The following KLF7 variants were observed in gnomAD, a reference collection of about 807,000 sequenced individuals.
KLF7 encodes KLF transcription factor 7.
In KLF7, 2 loss-of-function variants were observed where a neutral mutation model predicts 27.3. That is an observed-to-expected ratio of 0.07 (90% CI 0.03 to 0.23). KLF7 has a LOEUF of 0.23. Among genes scored for constraint, KLF7 ranks in the 10% least tolerant of loss-of-function variants. The probability of loss-of-function intolerance (pLI) is 1.00; values close to 1 mark genes in which losing one functional copy is unlikely to be tolerated. For synonymous variants in KLF7, 165 were observed against 162.4 expected, an observed-to-expected ratio of 1.02 and a Z score of -0.12; for missense variants, 221 against 394.1, an observed-to-expected ratio of 0.56 and a Z score of 3.72.
chr2:207,165,589 C>A lies in KLF7; in HGVS notation c.-21G>T. On this transcript the variant is annotated 5_prime_UTR_variant, in exon 1 of 4. Coordinates refer to ENST00000309446, the MANE Select transcript of KLF7 (RefSeq NM_003709.4). ...TCCATGCTGCTGCTGCCGGGCAAAACGGGAGGCGAAACCCTCCCCCGAACA... is the reference window on the plus strand; with the variant it reads ...TCCATGCTGCTGCTGCCGGGCAAAAAGGGAGGCGAAACCCTCCCCCGAACA... 1 of 1,612,670 alleles carries A rather than the reference C, an allele frequency of 6.2e-7. No individual in the cohort carries two copies. Among genetic ancestry groups the A allele is most frequent in the Non-Finnish European group, 8.5e-7 (1 of 1,179,964 alleles).
upstream of KLF7, among the ~76,000 whole-genome samples, chr2:207,168,806 T>G (rs373448632): frequency 2.0e-5 from 3 of 152,342 alleles, no homozygotes; most frequent in African/African-American, 7.2e-5. Context: ...TTAGCTACTT[T>G]TTATACCCTA....
chr2:207,137,637 T>C (rs1201375493), intron 1 of KLF7, among the ~76,000 whole-genome samples: 2 of 152,148 alleles, frequency 1.3e-5, no homozygotes, highest in East Asian at 3.9e-4. Context: ...GATGGAAATA[T>C]GGAATATAAG....
In KLF7 at chr2:207,123,281, A is replaced by T. The variant is rs79561711; in HGVS notation, c.733+493T>A. Among the ~76,000 whole-genome samples, 6 of 152,314 alleles carry T rather than the reference A, an allele frequency of 3.9e-5. No homozygotes were observed. The East Asian group carries it at 9.7e-4, about 25-fold the overall frequency. The stretch of plus-strand genomic sequence containing the variant: ...TGCCAATTAATTATAGAATGATCAC[A>T]TCTAATGAACTCTGAAACCCTCCTG... On this transcript the variant is annotated intron_variant, in intron 2 of 3. Coordinates refer to ENST00000309446, the MANE Select transcript of KLF7 (RefSeq NM_003709.4).
At chr2:207,086,851 T>C (rs1474914972) in intron 3 of KLF7, among the ~76,000 whole-genome samples, 2 of 152,236 alleles carry the variant, frequency 1.3e-5, no homozygotes, top group African/African-American at 2.4e-5. Context: ...GGGCAACTTG[T>C]GTGTACACGC....
At chr2:207,110,841 AG>A (rs1450522229) in intron 2 of KLF7, among the ~76,000 whole-genome samples, 10 of 152,218 alleles carry the variant, frequency 6.6e-5, no homozygotes, top group Non-Finnish European at 1.3e-4. Flanking sequence ...TCATCTTAAA[AG>A]GATTAGGAAA....
At chr2:207,093,548 T>G (rs1216728703) in intron 2 of KLF7, among the ~76,000 whole-genome samples, 1 of 152,234 alleles carries the variant, frequency 6.6e-6, no homozygotes, top group African/African-American at 2.4e-5. Flanking sequence ...AACAGCAGAT[T>G]CTGTCACTTT....
chr2:207,098,160 CTTTG>C (rs1414087016), intron 2 of KLF7, among the ~76,000 whole-genome samples: 2 of 151,832 alleles, frequency 1.3e-5, no homozygotes, highest in African/African-American at 4.8e-5. Context: ...GTCCATTTTA[CTTTG>C]TTTTTGTTCT....
At chr2:207,169,021 C>G (rs1475928503), upstream of KLF7, among the ~76,000 whole-genome samples, 1 of 152,186 alleles carries the variant, frequency 6.6e-6, no homozygotes, top group African/African-American at 2.4e-5. Flanking sequence ...TGAGGGAACT[C>G]TTAGTGCTCC....
intron 1 of KLF7, among the ~76,000 whole-genome samples, chr2:207,126,391 A>G (rs374773763): frequency 6.6e-6 from 1 of 152,152 alleles, no homozygotes; most frequent in East Asian, 1.9e-4. Flanking sequence ...TCTGTCAAAG[A>G]CAAAGCCCAC....
chr2:207,131,355 C>T (rs1388886319), intron 1 of KLF7, among the ~76,000 whole-genome samples: 1 of 152,194 alleles, frequency 6.6e-6, no homozygotes, highest in Non-Finnish European at 1.5e-5. Flanking sequence ...TCACAGTCCC[C>T]AAAGAGTTTC....
At chr2:207,157,003 T>C (rs902529265) in intron 1 of KLF7, among the ~76,000 whole-genome samples, 1 of 152,058 alleles carries the variant, frequency 6.6e-6, no homozygotes, top group African/African-American at 2.4e-5. Context: ...ATTTTATTGG[T>C]CTGGGGTGCA....
chr2:207,130,130 T>C (rs1399793019), intron 1 of KLF7, among the ~76,000 whole-genome samples: 1 of 97,358 alleles, frequency 1.0e-5, no homozygotes, highest in Non-Finnish European at 2.4e-5. Context: ...GACCCTTACC[T>C]AAAGGGTTTC....
At chr2:207,106,353 A>G (rs2076882826) in intron 2 of KLF7, among the ~76,000 whole-genome samples, 1 of 152,242 alleles carries the variant, frequency 6.6e-6, no homozygotes, top group African/African-American at 2.4e-5. Context: ...CCAAGGAGAA[A>G]GAAGATAGTG....
upstream of KLF7, chr2:207,166,485 A>G (rs2078715460): frequency 2.0e-5 from 3 of 152,082 alleles, no homozygotes; most frequent in Admixed American, 2.0e-4. Context: ...CCGACCCTCC[A>G]CTAGATGCCT....
chr2:207,081,775 CT>C (rs2076277627), intron 3 of KLF7, among the ~76,000 whole-genome samples: 3 of 150,694 alleles, frequency 2.0e-5, no homozygotes, highest in Admixed American at 1.3e-4. Context: ...GATTTCAACC[CT>C]AAACTTTACA....
upstream of KLF7, among the ~76,000 whole-genome samples, chr2:207,169,142 G>A (rs932069047): frequency 6.6e-6 from 1 of 152,100 alleles, no homozygotes; most frequent in African/African-American, 2.4e-5. Context: ...CCTCCAAATC[G>A]ACTCCAAAAT....
At chr2:207,167,661 A>C (rs1412628456), upstream of KLF7, among the ~76,000 whole-genome samples, 3 of 152,224 alleles carry the variant, frequency 2.0e-5, no homozygotes, top group Non-Finnish European at 4.4e-5. Context: ...TATAATTGGA[A>C]CATTTACTCT....
chr2:207,173,797 C>A, the KLF7 span: 4 of 152,052 alleles, frequency 2.6e-5, no homozygotes, highest in Non-Finnish European at 5.9e-5. Context: ...CAAAAATTCA[C>A]CTACCATCAT....
intron 2 of KLF7, among the ~76,000 whole-genome samples, chr2:207,120,431 T>C (rs554328666): frequency 9.8e-5 from 15 of 152,336 alleles, no homozygotes; most frequent in Admixed American, 2.6e-4. Context: ...TTACTTCATT[T>C]CTTCACTGTA....
Sources: allele counts gnomAD v4.1 joint callset (sites outside exome capture counted in the v4.1 genomes callset), GRCh38; gene constraint gnomAD v4.1.1; transcripts MANE v1.5; gene names NCBI Gene and HGNC (gene_info 2026-07-23, HGNC 2026-07-21).